DENND1B: variants seen among roughly 807,000 people sequenced by gnomAD.
DENND1B encodes DENN domain-containing protein 1B.
Under a neutral mutation model 90.1 loss-of-function variants are expected in DENND1B, and 59 were observed. The observed-to-expected ratio is 0.65, with a 90% CI of 0.53 to 0.81. DENND1B has a LOEUF of 0.81. Among genes scored for constraint, DENND1B ranks in the 40% least tolerant of loss-of-function variants. The pLI is 0.00. For synonymous variants in DENND1B, 337 were observed against 324.6 expected (o/e 1.04, Z -0.41); for missense variants, 862 against 912.6 (o/e 0.94, Z 0.71).
At chr1:197,706,867 G>A (rs1659587051) in intron 3 of DENND1B, among the ~76,000 whole-genome samples, 1 of 152,048 alleles carries the variant, frequency 6.6e-6, no homozygotes, top group African/African-American at 2.4e-5. Context: ...AAATAGTATG[G>A]AAGTTCCTCA....
At chr1:197,653,877 C>T (rs976197339) in intron 6 of DENND1B, among the ~76,000 whole-genome samples, 8 of 152,002 alleles carry the variant, frequency 5.3e-5, no homozygotes, top group African/African-American at 1.9e-4. Context: ...TTCACAAAAA[C>T]AAAGAACAAG....
chr1:197,762,545 C>G (rs1196738550), intron 2 of DENND1B, among the ~76,000 whole-genome samples: 1 of 152,110 alleles, frequency 6.6e-6, no homozygotes, highest in Non-Finnish European at 1.5e-5. Context: ...ACATACTTAC[C>G]TCTTTGCAAC....
At chr1:197,768,323 T>C (rs540045513) in intron 2 of DENND1B, among the ~76,000 whole-genome samples, 1 of 151,568 alleles carries the variant, frequency 6.6e-6, no homozygotes, top group African/African-American at 2.4e-5. Context: ...TCAACAAAAT[T>C]AAAAAAGAGA....
At chr1:197,511,075 C>T (rs1667996799) in intron 22 of DENND1B, 103 bp from the exon 23 acceptor site, 5 of 1,173,804 alleles carry the variant, frequency 4.3e-6, no homozygotes, top group Non-Finnish European at 5.6e-6. Context: ...AAGTTCCTCC[C>T]AGAGAAAATA....
intron 15 of DENND1B, among the ~76,000 whole-genome samples, chr1:197,561,702 C>T (rs181316977): frequency 3.3e-5 from 5 of 151,848 alleles, no homozygotes; most frequent in African/African-American, 9.6e-5. Context: ...TTCTTCTTGA[C>T]GAAATCATCT....
chr1:197,770,647 A>AATAC (rs55806696), intron 2 of DENND1B, among the ~76,000 whole-genome samples: 121,054 of 143,448 alleles, frequency 0.84, 51,383 homozygotes, highest in African/African-American at 0.92. Flanking sequence ...TATATCTATA[A>AATAC]ATATATATCT....
At chr1:197,571,835 C>T (rs893306348) in intron 15 of DENND1B, among the ~76,000 whole-genome samples, 5 of 152,102 alleles carry the variant, frequency 3.3e-5, no homozygotes, top group Non-Finnish European at 7.4e-5. Flanking sequence ...CAGGGAGGGA[C>T]ACTCAGGGAA....
chr1:197,717,377 T>C (rs1418355632), intron 2 of DENND1B, among the ~76,000 whole-genome samples: 2 of 151,954 alleles, frequency 1.3e-5, no homozygotes, highest in Non-Finnish European at 2.9e-5. Context: ...GGAATCATCG[T>C]TGCCAGTTAT....
intron 16 of DENND1B, among the ~76,000 whole-genome samples, chr1:197,549,161 A>G (rs1671034365): frequency 6.6e-6 from 1 of 152,134 alleles, no homozygotes; most frequent in Non-Finnish European, 1.5e-5. Context: ...TGTTAATAAA[A>G]CTAGTGATTT....
At chr1:197,771,083 G>C (rs1775443) in intron 2 of DENND1B, among the ~76,000 whole-genome samples, 47 of 151,274 alleles carry the variant, frequency 3.1e-4, no homozygotes, top group African/African-American at 1.1e-3. Flanking sequence ...GCATAATTTT[G>C]GTATTTTTAG....
chr1:197,762,762 T>C (rs974949649), intron 2 of DENND1B, among the ~76,000 whole-genome samples: 14 of 152,164 alleles, frequency 9.2e-5, no homozygotes, highest in African/African-American at 3.4e-4. Context: ...TATCCGAGCA[T>C]TTAAAAATAT....
intron 2 of DENND1B, among the ~76,000 whole-genome samples, chr1:197,739,606 A>G (rs953508554): frequency 6.6e-6 from 1 of 152,238 alleles, no homozygotes; most frequent in Admixed American, 6.5e-5. Flanking sequence ...AAAACTGATA[A>G]ACTGATCAAA....
chr1:197,777,532 T>C (rs138897072), upstream of DENND1B, among the ~76,000 whole-genome samples: 11 of 152,292 alleles, frequency 7.2e-5, no homozygotes, highest in East Asian at 2.1e-3. Context: ...ACAAATATCA[T>C]ACACTTACCT....
intron 16 of DENND1B, among the ~76,000 whole-genome samples, chr1:197,549,121 C>A (rs553340124): frequency 1.3e-5 from 2 of 152,176 alleles, no homozygotes; most frequent in Non-Finnish European, 1.5e-5. Context: ...CAATAATAGG[C>A]ATTACTGAGG....
chr1:197,660,333 A>G (rs1336875844), intron 5 of DENND1B, among the ~76,000 whole-genome samples: 43 of 152,020 alleles, frequency 2.8e-4, no homozygotes, highest in Non-Finnish European at 1.5e-5. Flanking sequence ...TTAAAGTATA[A>G]TAAATAATAA....
Position 197,597,319 on chromosome 1 carries a change from T to C in DENND1B, c.922-1986A>G, listed in dbSNP as rs761746132. The stretch of plus-strand genomic sequence containing the variant: ...AGTGCATATCAATATACGTATTTAA[T>C]TACTACCTCCACCCCCAAAAAAGAT... On this transcript the variant is annotated intron_variant, in intron 13 of 22. Transcript: ENST00000620048. 5.9e-5 allele frequency among the ~76,000 whole-genome samples: 9 copies of C among 151,864 alleles called. No homozygotes were observed. The East Asian group carries it at 1.7e-3, about 29-fold the overall frequency.
chr1:197,583,127 G>GA (rs1674388767), intron 15 of DENND1B, 25 bp downstream of exon 15: 3 of 1,600,598 alleles, frequency 1.9e-6, no homozygotes, highest in Non-Finnish European at 2.6e-6. Flanking sequence ...TCTTACAAAA[G>GA]AAAAATGTGG....
chr1:197,778,533 T>C (rs1403829568), upstream of DENND1B, among the ~76,000 whole-genome samples: 1 of 151,840 alleles, frequency 6.6e-6, no homozygotes, highest in African/African-American at 2.4e-5. Flanking sequence ...ATTAGCTGGG[T>C]GTGGTGGGTG....
At chr1:197,599,176 A>T (rs1035456846) in intron 13 of DENND1B, among the ~76,000 whole-genome samples, 1 of 151,866 alleles carries the variant, frequency 6.6e-6, no homozygotes, top group Non-Finnish European at 1.5e-5. Context: ...AGCCATGTGC[A>T]CTCAGTCTAA....
Sources: allele counts gnomAD v4.1 joint callset (sites outside exome capture counted in the v4.1 genomes callset), GRCh38; gene constraint gnomAD v4.1.1; transcripts MANE v1.5; gene names NCBI Gene and HGNC (gene_info 2026-07-23, HGNC 2026-07-21).